Variants in SPAG16 observed in about 807,000 individuals in gnomAD.
SPAG16 encodes the protein sperm-associated antigen 16 protein.
SPAG16 carries 86 observed loss-of-function variants against 80.4 expected under a neutral mutation model. That is an observed-to-expected ratio of 1.07 (90% confidence interval 0.90 to 1.28). SPAG16 has a LOEUF of 1.28. Ranked by LOEUF, SPAG16 falls within the 50% of genes most tolerant of loss-of-function variation. The probability of loss-of-function intolerance (pLI) is 0.00; values close to 1 mark genes in which losing one functional copy is unlikely to be tolerated. For synonymous variants in SPAG16, 294 were observed against 265.9 expected (o/e 1.11, Z -1.03); for missense variants, 870 against 765.3 (o/e 1.14, Z -1.61).
chr2:213,529,431 C>A (rs2075995183), intron 10 of SPAG16, among the ~76,000 whole-genome samples: 2 of 152,142 alleles, frequency 1.3e-5, no homozygotes, highest in South Asian at 4.1e-4. Context: ...GAAAGGTGAA[C>A]AATGGGCTCT....
intron 9 of SPAG16, among the ~76,000 whole-genome samples, chr2:213,431,772 T>C (rs975704327): frequency 6.6e-6 from 1 of 152,024 alleles, no homozygotes; most frequent in African/African-American, 2.4e-5. Context: ...TTATAGAACA[T>C]TTTACTCAAC....
chr2:213,731,641 C>G (rs778517866), intron 10 of SPAG16, among the ~76,000 whole-genome samples: 25 of 152,092 alleles, frequency 1.6e-4, no homozygotes, highest in Non-Finnish European at 3.5e-4. Context: ...CTTCCCACCC[C>G]CTGCCCTCCA....
chr2:214,180,625 A>G (rs1168082313), intron 15 of SPAG16, among the ~76,000 whole-genome samples: 1 of 151,698 alleles, frequency 6.6e-6, no homozygotes, highest in East Asian at 1.9e-4. Flanking sequence ...CAGGAAAGCA[A>G]TATGCACTGC....
intron 10 of SPAG16, among the ~76,000 whole-genome samples, chr2:213,585,568 C>T (rs998127159): frequency 1.3e-5 from 2 of 152,068 alleles, no homozygotes; most frequent in African/African-American, 4.8e-5. Flanking sequence ...AAGTAACCAG[C>T]CTGGCAGAAA....
rs59852734 is a variant in SPAG16, at chr2:214,136,577, G to T, written c.1594-12563G>T. On this transcript the variant is annotated intron_variant, in intron 14 of 15. Transcript: ENST00000331683. Reference sequence around the variant, plus strand: ...ATATGGTAGTTGTTAATGCCTAACAGACTGATGATGGCATAGGAAAGAAGT... The same window carrying T: ...ATATGGTAGTTGTTAATGCCTAACATACTGATGATGGCATAGGAAAGAAGT... Among the ~76,000 whole-genome samples the T allele has an allele frequency of 5.6e-3, 852 of 152,274 alleles. 7 individuals are homozygous for T. The highest frequency in any genetic ancestry group is 0.02 in the African/African-American group (830 of 41,576).
chr2:213,352,733 CATTTGATCT>C (rs71397185), intron 7 of SPAG16, among the ~76,000 whole-genome samples: 101 of 152,260 alleles, frequency 6.6e-4, no homozygotes, highest in Non-Finnish European at 1.2e-3. Flanking sequence ...AAGTTAAAAT[CATTTGATCT>C]ATGAGTTAGA....
intron 5 of SPAG16, among the ~76,000 whole-genome samples, chr2:213,334,616 T>G (rs1189501788): frequency 6.6e-6 from 1 of 152,210 alleles, no homozygotes; most frequent in African/African-American, 2.4e-5. Flanking sequence ...AATGGAGAAC[T>G]GTTCAACCGT....
intron 15 of SPAG16, among the ~76,000 whole-genome samples, chr2:214,203,083 G>T (rs1422869290): frequency 1.3e-5 from 2 of 152,030 alleles, no homozygotes; most frequent in Admixed American, 6.6e-5. Context: ...TGTCAGCAAA[G>T]GTGCTTTATT....
At chr2:213,389,214 T>G (rs886645908) in intron 9 of SPAG16, among the ~76,000 whole-genome samples, 2 of 152,064 alleles carry the variant, frequency 1.3e-5, no homozygotes, top group Non-Finnish European at 2.9e-5. Context: ...GGTATCTACA[T>G]GCAAAATAAT....
intron 12 of SPAG16, among the ~76,000 whole-genome samples, chr2:213,951,670 A>G (rs1360787817): frequency 6.6e-6 from 1 of 152,232 alleles, no homozygotes; most frequent in Non-Finnish European, 1.5e-5. Context: ...ACAAAAGAGT[A>G]TAAATTAAAG....
intron 9 of SPAG16, among the ~76,000 whole-genome samples, chr2:213,473,455 G>A (rs566889068): frequency 7.9e-5 from 12 of 152,252 alleles, no homozygotes; most frequent in African/African-American, 2.9e-4. Flanking sequence ...GCAAGGCATT[G>A]GTCAAGTTAT....
At chr2:214,270,432 G>A (rs1290347903) in intron 15 of SPAG16, among the ~76,000 whole-genome samples, 2 of 152,082 alleles carry the variant, frequency 1.3e-5, no homozygotes, top group Admixed American at 1.3e-4. Context: ...AGTATCTTGG[G>A]ATCTAAGTTT....
chr2:213,723,140 G>T (rs1014459715), intron 10 of SPAG16, among the ~76,000 whole-genome samples: 8 of 152,256 alleles, frequency 5.3e-5, no homozygotes, highest in African/African-American at 1.9e-4. Flanking sequence ...TGGATAAAGA[G>T]TGACTTATCT....
At chr2:213,736,261 C>G (rs2067276387) in intron 10 of SPAG16, among the ~76,000 whole-genome samples, 1 of 151,996 alleles carries the variant, frequency 6.6e-6, no homozygotes, top group Non-Finnish European at 1.5e-5. Flanking sequence ...ATGATGACAT[C>G]AATTCTTGAG....
rs186326725 is a variant in SPAG16 at position 213,442,541 on chromosome 2, A to G, written c.943-47422A>G. 2.5e-3 allele frequency among the ~76,000 whole-genome samples: 375 copies of G among 152,368 alleles called. 3 individuals are homozygous for G. The highest frequency in any genetic ancestry group is 8.6e-3 in the African/African-American group (356 of 41,586). On this transcript the variant is annotated intron_variant, in intron 9 of 15. Coordinates refer to ENST00000331683, the MANE Select transcript of SPAG16 (RefSeq NM_024532.5). Reference sequence around the variant, plus strand: ...ACTTACTATAAAATTACAGTAATTAAGACAGTGTGGTACTGGCAAAAGAAT... The same window carrying G: ...ACTTACTATAAAATTACAGTAATTAGGACAGTGTGGTACTGGCAAAAGAAT...
At chr2:213,331,732 T>G (rs2124871482) in intron 5 of SPAG16, among the ~76,000 whole-genome samples, 1 of 152,350 alleles carries the variant, frequency 6.6e-6, no homozygotes, top group South Asian at 2.1e-4. Context: ...AGAGGAATTT[T>G]GGAAACCATA....
At chr2:213,387,088 A>G (rs1479897534) in intron 9 of SPAG16, among the ~76,000 whole-genome samples, 1 of 152,144 alleles carries the variant, frequency 6.6e-6, no homozygotes, top group Admixed American at 6.5e-5. Flanking sequence ...ATAGTTTTAA[A>G]AGGTAATATT....
chr2:214,330,893 A>G lies in SPAG16; in HGVS notation c.1721-79247A>G, dbSNP rs531002853. On this transcript the variant is annotated intron_variant, in intron 15 of 15. Transcript: ENST00000331683. ...CTTCTCAGATCTCCTTACTTCATGC[A>G]GTCAATTCATATCATCTGGGAGCAG... 1.4e-4 allele frequency among the ~76,000 whole-genome samples: 21 copies of G among 152,316 alleles called. 1 individual carries two copies. The South Asian group carries it at 4.4e-3, about 32-fold the overall frequency.
chr2:214,190,818 G>A (rs2057637968), intron 15 of SPAG16, among the ~76,000 whole-genome samples: 1 of 152,126 alleles, frequency 6.6e-6, no homozygotes, highest in Non-Finnish European at 1.5e-5. Context: ...CAGATCTCAT[G>A]ATAGCACCCT....
Sources: allele counts gnomAD v4.1 joint callset (sites outside exome capture counted in the v4.1 genomes callset), GRCh38; gene constraint gnomAD v4.1.1; transcripts MANE v1.5; gene names NCBI Gene and HGNC (gene_info 2026-07-23, HGNC 2026-07-21).